PRMT2: variants seen among roughly 807,000 people sequenced by gnomAD.
The protein encoded by PRMT2 is protein arginine N-methyltransferase 2.
A neutral mutation model predicts 57.6 loss-of-function variants in PRMT2; 26 were observed. The ratio of observed to expected loss-of-function variants is 0.45; its 90% CI spans 0.33 to 0.63. The LOEUF (loss-of-function observed/expected upper bound fraction) is 0.63, where lower values mean the gene tolerates loss of function less well. Among genes scored for constraint, PRMT2 ranks in the 20% least tolerant of loss-of-function variants. The pLI is 0.02. For missense variants in PRMT2, 472 were observed against 564.4 expected (o/e 0.84, Z 1.66); for synonymous variants, 219 against 220.0 (o/e 1.00, Z 0.04).
Position 46,661,807 on chromosome 21 carries a change from G to A in PRMT2, c.968G>A (p.Arg323Lys), listed in dbSNP as rs766296204. 4.8e-6 allele frequency: 7 copies of A among 1,443,602 alleles called. No homozygotes were observed. The South Asian group carries it at 5.7e-5, about 12-fold the overall frequency. The allele number at this position is 1,443,602 out of a possible 1,614,324, so 89.4% of individuals were successfully genotyped here. A position where few individuals can be genotyped will look rare whatever the true frequency, so the allele number is the denominator to read the frequency against. The part of the protein sequence containing the change: ...TVQISDLETL[R>K]GELRFDIRKA... ...GTCATCTGCTTGACCCAGACCCTGA[G>A]GGGCGAGCTGCGCTTCGACATCAGG... The change falls in exon 10 of 12, where the codon AGG (arginine) becomes AAG (lysine). Residue 323 changes from arginine to lysine, a missense_variant. Arg to Lys is a conservative substitution (Grantham distance 26). Coordinates refer to ENST00000355680, the MANE Select transcript of PRMT2 (RefSeq NM_206962.4).
intron 3 of PRMT2, among the ~76,000 whole-genome samples, chr21:46,639,084 T>C (rs1569148163): frequency 6.6e-6 from 1 of 152,218 alleles, no homozygotes; most frequent in African/African-American, 2.4e-5. Context: ...TTTTCTAATA[T>C]ATTCAATGGA....
intron 7 of PRMT2, chr21:46,652,896 A>T: frequency 7.7e-7 from 1 of 1,303,102 alleles, no homozygotes; most frequent in Non-Finnish European, 1.0e-6. Flanking sequence ...ATTTCCGAGA[A>T]GCAGGTTGCA....
chr21:46,648,363 G>C lies in PRMT2; in HGVS notation c.328-95G>C. The C allele has an allele frequency of 7.3e-7, 1 of 1,375,812 alleles. No individual in the cohort carries two copies. The highest frequency in any genetic ancestry group is 1.3e-5 in the South Asian group (1 of 76,978). The allele number at this position is 1,375,812 out of a possible 1,614,324, so 85.2% of individuals were successfully genotyped here. On this transcript the variant is annotated intron_variant, in intron 5 of 11. Transcript: ENST00000355680. This position sits in a 1 kb window ranked among gnomAD's most constrained non-coding sequence, Gnocchi z 4.8. ...TCTTCCATAGGGGTGTTGGGGTCAG[G>C]GGTCATCAGCTGTGGCTCTGACCCT... is the stretch of plus-strand genomic sequence containing the variant.
In PRMT2 at chr21:46,636,876, C is replaced by T; in HGVS notation, c.-56-20C>T. The T allele has an allele frequency of 6.8e-7, 1 of 1,466,652 alleles. No individual in the cohort carries two copies. Among genetic ancestry groups the T allele is most frequent in the Non-Finnish European group, 9.4e-7 (1 of 1,066,592 alleles). 90.9% of individuals were successfully genotyped at this position (1,466,652 alleles called of 1,614,324 possible). ...GCAATGTAACAAGTACTTTGTGTCT[C>T]CTTCTCTTTTTAAAAGTAGAAATGG... On this transcript the variant is annotated intron_variant, in intron 2 of 11. Transcript: ENST00000355680.
In PRMT2 at chr21:46,664,649, G is replaced by A. The variant is rs1044598326; in HGVS notation, c.*322G>A. On this transcript the variant is annotated 3_prime_UTR_variant, in exon 12 of 12. Coordinates refer to ENST00000355680, the MANE Select transcript of PRMT2 (RefSeq NM_206962.4). ...CTCCATGTTCCTAAGCTAGGTCTAG[G>A]TCTACACTCCTAGGACGCACGCATA... 29 of 450,422 alleles carry A rather than the reference G, an allele frequency of 6.4e-5. No homozygotes were observed. Among genetic ancestry groups the A allele is most frequent in the South Asian group, 6.2e-4 (25 of 40,440 alleles). The allele number at this position is 450,422 out of a possible 1,614,324, so 27.9% of individuals were successfully genotyped here.
chr21:46,653,266 C>G, intron 7 of PRMT2: 1 of 985,346 alleles, frequency 1.0e-6, no homozygotes, highest in Non-Finnish European at 1.2e-6. Context: ...TATCACAAAT[C>G]CTGAGCTTAA....
At chr21:46,657,530 G>A (rs949036927) in intron 7 of PRMT2, 3 of 152,314 alleles carry the variant, frequency 2.0e-5, no homozygotes, top group Non-Finnish European at 2.9e-5. Context: ...CCCCAGAAAC[G>A]GTACAGTGAG....
At chr21:46,645,473 A>G (rs1224259757) in intron 5 of PRMT2, among the ~76,000 whole-genome samples, 1 of 152,166 alleles carries the variant, frequency 6.6e-6, no homozygotes, top group African/African-American at 2.4e-5. Flanking sequence ...CCCTAAAAAA[A>G]TAATAAAAGC....
intron 7 of PRMT2, chr21:46,651,655 G>C (rs1280983646): frequency 3.5e-6 from 3 of 869,332 alleles, no homozygotes; most frequent in Non-Finnish European, 5.3e-6. Flanking sequence ...CATTACTCAG[G>C]CCAAGGAGGC....
At chr21:46,640,583 A>G (rs912939815) in intron 3 of PRMT2, among the ~76,000 whole-genome samples, 1 of 151,854 alleles carries the variant, frequency 6.6e-6, no homozygotes, top group Non-Finnish European at 1.5e-5. Context: ...CTGGGACTAC[A>G]GGTGACCACC....
chr21:46,651,907 G>GTC (rs1569158295), intron 7 of PRMT2: 5 of 1,613,144 alleles, frequency 3.1e-6, no homozygotes, highest in Non-Finnish European at 3.4e-6. Flanking sequence ...GCACCTGTGC[G>GTC]TCTGTCCCTC....
At chr21:46,660,095 A>G in intron 8 of PRMT2, 1 of 970,830 alleles carries the variant, frequency 1.0e-6, no homozygotes. Flanking sequence ...AGAAAAATAA[A>G]TGTGTAAATA....
intron 5 of PRMT2, among the ~76,000 whole-genome samples, chr21:46,647,285 C>T (rs191656630): frequency 1.3e-5 from 2 of 150,800 alleles, no homozygotes; most frequent in Non-Finnish European, 3.0e-5. Context: ...TTTGTTGATT[C>T]GTGTGTTAAG....
intron 3 of PRMT2, among the ~76,000 whole-genome samples, chr21:46,637,773 A>G (rs1305531165): frequency 2.0e-5 from 3 of 151,080 alleles, no homozygotes; most frequent in Non-Finnish European, 3.0e-5. Flanking sequence ...ATATACATAT[A>G]TGTGTGTGTG....
intron 3 of PRMT2, among the ~76,000 whole-genome samples, chr21:46,639,423 C>G (rs7283192): frequency 0.14 from 20,657 of 152,040 alleles, 1,509 homozygotes; most frequent in Middle Eastern, 0.25. Flanking sequence ...CATCTTCTAT[C>G]AGTTACTAAA....
At chr21:46,662,010 C>CGCAGGAGGGGGTGGGGCGT (rs2061634704) in intron 10 of PRMT2, 74 bp downstream of exon 10, 1 of 168,742 alleles carries the variant, frequency 5.9e-6, no homozygotes. Context: ...GGATGGGGCG[C>CGCAGGAGGGGGTGGGGCGT]GCAGGAGGGG....
Position 46,658,759 on chromosome 21 carries a change from C to A in PRMT2, c.669C>A (p.Ile223=). 1 of 1,614,066 alleles carries A rather than the reference C, an allele frequency of 6.2e-7. No homozygotes were observed. The highest frequency in any genetic ancestry group is 1.1e-5 in the South Asian group (1 of 91,042). The change falls in exon 8 of 12, where the codon ATC becomes ATA. Residue 223 remains isoleucine, a synonymous_variant. Coordinates refer to ENST00000355680, the MANE Select transcript of PRMT2 (RefSeq NM_206962.4). The part of the protein sequence containing the change: ...MGTCLLFEFM[I]ESILYARDAW... ...CTCCTATGCAGTTTGAGTTCATGAT[C>A]GAGTCCATCCTGTATGCCCGGGATG...
Position 46,648,013 on chromosome 21 carries a change from C to G in PRMT2, c.328-445C>G, listed in dbSNP as rs2061391113. 6.6e-6 allele frequency among the ~76,000 whole-genome samples: 1 copy of G among 152,140 alleles called. No homozygotes were observed. The highest frequency in any genetic ancestry group is 2.1e-4 in the South Asian group (1 of 4,832). ...TTTCCTCATTAGCCTTGGGCACTTA[C>G]TGTTTTGAAACTAATTTTATTATCA... is the stretch of plus-strand genomic sequence containing the variant. On this transcript the variant is annotated intron_variant, in intron 5 of 11. Transcript: ENST00000355680. This position sits in a 1 kb window ranked among gnomAD's most constrained non-coding sequence, Gnocchi z 4.8.
chr21:46,651,834 TCC>T, intron 7 of PRMT2: 1 of 1,612,796 alleles, frequency 6.2e-7, no homozygotes. Flanking sequence ...TGCCGCATTC[TCC>T]CCTGCACCTG....
Sources: allele counts gnomAD v4.1 joint callset (sites outside exome capture counted in the v4.1 genomes callset), GRCh38; gene constraint gnomAD v4.1.1; non-coding constraint Gnocchi (gnomAD v3.1); transcripts MANE v1.5; gene names NCBI Gene and HGNC (gene_info 2026-07-23, HGNC 2026-07-21).